QSOX2: variants seen among roughly 807,000 people sequenced by gnomAD.
QSOX2 encodes sulfhydryl oxidase 2.
Under a neutral mutation model 61.7 loss-of-function variants are expected in QSOX2, and 46 were observed. The ratio of observed to expected loss-of-function variants is 0.75; its 90% CI spans 0.59 to 0.95. The LOEUF (loss-of-function observed/expected upper bound fraction) is 0.95. QSOX2 is among the 40% of genes least tolerant of loss of function. The pLI is 0.00. For synonymous variants in QSOX2, 383 were observed against 388.4 expected, an observed-to-expected ratio of 0.99 and a Z score of 0.16; for missense variants, 879 against 918.9, an observed-to-expected ratio of 0.96 and a Z score of 0.56.
intron 1 of QSOX2, among the ~76,000 whole-genome samples, chr9:136,236,052 C>A (rs1385728282): frequency 2.0e-5 from 3 of 152,208 alleles, no homozygotes; most frequent in East Asian, 1.9e-4. Flanking sequence ...AGGGTCAGGG[C>A]CAGGATGGGG....
intron 10 of QSOX2, among the ~76,000 whole-genome samples, chr9:136,212,148 C>A (rs1407644564): frequency 6.6e-6 from 1 of 152,214 alleles, no homozygotes; most frequent in African/African-American, 2.4e-5. Context: ...GAACAACACA[C>A]ATCTCAAGAA....
At chr9:136,232,503 C>T (rs1240304925) in intron 1 of QSOX2, among the ~76,000 whole-genome samples, 3 of 152,150 alleles carry the variant, frequency 2.0e-5, no homozygotes, top group Non-Finnish European at 2.9e-5. Flanking sequence ...TATGTAGATG[C>T]TGTTTTATCA....
chr9:136,229,149 T>C (rs984724422), intron 1 of QSOX2, among the ~76,000 whole-genome samples: 2 of 152,230 alleles, frequency 1.3e-5, no homozygotes, highest in African/African-American at 4.8e-5. Flanking sequence ...CCGCTTACGC[T>C]GGCTAAGTGA....
At chr9:136,215,402 A>G (rs1831897800) in intron 9 of QSOX2, 98 bp from the exon 10 acceptor site, 2 of 653,362 alleles carry the variant, frequency 3.1e-6, no homozygotes, top group Non-Finnish European at 4.6e-6. Context: ...GGGGGTGGAT[A>G]ATGGGGGTGT....
At chr9:136,235,120 T>C (rs1424239943) in intron 1 of QSOX2, among the ~76,000 whole-genome samples, 2 of 152,218 alleles carry the variant, frequency 1.3e-5, no homozygotes, top group African/African-American at 2.4e-5. Flanking sequence ...TTTTGAGAAT[T>C]GGGGCAAGTA....
chr9:136,210,833 AT>A lies in QSOX2; in HGVS notation c.1549+430del, dbSNP rs201791390. ...GAAAATACATGTGCCCTATTTAATT[AT>A]TTTTTTTTAACAAAACAAAGCACTT... On this transcript the variant is annotated intron_variant, in intron 11 of 11. Coordinates refer to ENST00000358701, the MANE Select transcript of QSOX2 (RefSeq NM_181701.4). The A allele has an allele frequency of 2.7e-4, 262 of 972,534 alleles. 1 individual carries two copies. In the East Asian group the frequency reaches 0.014, roughly 51 times the overall value. 60.2% of individuals were successfully genotyped at this position (972,534 alleles called of 1,614,324 possible). A position where few individuals can be genotyped will look rare whatever the true frequency, so the allele number is the denominator to read the frequency against.
chr9:136,235,390 G>C (rs1830372122), intron 1 of QSOX2, among the ~76,000 whole-genome samples: 1 of 152,218 alleles, frequency 6.6e-6, no homozygotes, highest in Admixed American at 6.5e-5. Context: ...TGACGACCAA[G>C]GAAGGAGAGA....
chr9:136,229,477 G>A (rs1224880736), intron 1 of QSOX2, among the ~76,000 whole-genome samples: 1 of 152,130 alleles, frequency 6.6e-6, no homozygotes, highest in Non-Finnish European at 1.5e-5. Flanking sequence ...CTGTTTATTG[G>A]GAATTTCTAT....
chr9:136,239,404 G>A (rs774686031), intron 1 of QSOX2, among the ~76,000 whole-genome samples: 3 of 152,156 alleles, frequency 2.0e-5, no homozygotes, highest in South Asian at 2.1e-4. Context: ...CCAAAGTACC[G>A]GGATTACAGG....
chr9:136,230,381 A>G (rs779014709), intron 1 of QSOX2, among the ~76,000 whole-genome samples: 2 of 152,224 alleles, frequency 1.3e-5, no homozygotes, highest in African/African-American at 2.4e-5. Context: ...GCCCTGCAGT[A>G]AACAACTCTG....
rs769478239 is a variant in QSOX2, at chr9:136,215,133, G to A, written c.1360+21C>T. 1.4e-5 allele frequency: 23 copies of A among 1,610,774 alleles called. No homozygotes were observed. In the African/African-American group the frequency reaches 3.1e-4, roughly 22 times the overall value. On this transcript the variant is annotated intron_variant, in intron 10 of 11. Transcript: ENST00000358701. Reference sequence around the variant, plus strand: ...GTTAGGCAGACCATCGGCCCCTCTGGCCTGTATGGGCACAGCTTACCTGTG... The same window carrying A: ...GTTAGGCAGACCATCGGCCCCTCTGACCTGTATGGGCACAGCTTACCTGTG...
intron 1 of QSOX2, among the ~76,000 whole-genome samples, chr9:136,241,904 G>A (rs1458601595): frequency 2.6e-5 from 4 of 152,232 alleles, no homozygotes; most frequent in Non-Finnish European, 4.4e-5. Flanking sequence ...GGCGCACGGG[G>A]ACACAGGCCC....
At chr9:136,211,556 A>G (rs1174440179) in intron 10 of QSOX2, 104 bp from the exon 11 acceptor site, 1 of 1,152,378 alleles carries the variant, frequency 8.7e-7, no homozygotes, top group Non-Finnish European at 1.2e-6. Flanking sequence ...ACATGTCGGG[A>G]AGCCACCTCA....
At chr9:136,241,714 T>C (rs1830434810) in intron 1 of QSOX2, among the ~76,000 whole-genome samples, 1 of 152,186 alleles carries the variant, frequency 6.6e-6, no homozygotes, top group Non-Finnish European at 1.5e-5. Context: ...TGAGGACAGG[T>C]GTGGGAGGAC....
In QSOX2 at chr9:136,211,244, C is replaced by A; in HGVS notation, c.1549+20G>T. ...CTCCCTCCGCCCGTGCTGAGCCCCCCATGCCCAGGGGCTTCTCACCTGCCA... is the reference window on the plus strand; with the variant it reads ...CTCCCTCCGCCCGTGCTGAGCCCCCAATGCCCAGGGGCTTCTCACCTGCCA... On this transcript the variant is annotated intron_variant, in intron 11 of 11. Coordinates refer to ENST00000358701, the MANE Select transcript of QSOX2 (RefSeq NM_181701.4). The A allele has an allele frequency of 1.2e-6, 2 of 1,611,596 alleles. No individual in the cohort carries two copies. Among genetic ancestry groups the A allele is most frequent in the Non-Finnish European group, 1.7e-6 (2 of 1,178,136 alleles).
At chr9:136,218,041 G>A (rs1831934441) in intron 8 of QSOX2, among the ~76,000 whole-genome samples, 5 of 152,216 alleles carry the variant, frequency 3.3e-5, no homozygotes, top group Admixed American at 1.3e-4. Context: ...AAGCCTTCTT[G>A]TCATTTAGAC....
intron 11 of QSOX2, chr9:136,210,836 TTTTTTTAACAAAACAAAGCAC>T (rs1831835240): frequency 1.0e-6 from 1 of 984,838 alleles, no homozygotes; most frequent in African/African-American, 1.7e-5. Context: ...TTTAATTATT[TTTTTTTAACAAAACAAAGCAC>T]TTTGAGAGGT....
Position 136,218,611 on chromosome 9 carries a change from G to A in QSOX2, c.1086+68C>T, listed in dbSNP as rs576274721. The A allele has an allele frequency of 3.3e-4, 515 of 1,539,712 alleles. 3 individuals carry two copies. In the African/African-American group the frequency reaches 4.6e-3, roughly 14 times the overall value. ...TGGCGGAGCCCCCGCAGTGTCCGAC[G>A]CCCCCCAGGGCCCACTCTGTGCAGA... On this transcript the variant is annotated intron_variant, in intron 8 of 11. Coordinates refer to ENST00000358701, the MANE Select transcript of QSOX2 (RefSeq NM_181701.4).
intron 11 of QSOX2, chr9:136,210,599 G>A: frequency 1.0e-6 from 1 of 985,460 alleles, no homozygotes; most frequent in Non-Finnish European, 1.2e-6. Flanking sequence ...CATGACCCCG[G>A]CCCCGGCAGT....
Sources: gnomAD v4.1 joint callset for allele counts (sites outside exome capture counted in the v4.1 genomes callset) on GRCh38, gnomAD v4.1.1 for gene constraint, MANE v1.5 for transcripts, NCBI Gene and HGNC (gene_info 2026-07-23, HGNC 2026-07-21) for gene names.